Variants in NECAB1 observed in about 807,000 individuals in gnomAD.
NECAB1 encodes N-terminal EF-hand calcium binding protein 1, also known as N-terminal EF-hand calcium-binding protein 1.
Under a neutral mutation model 57.5 loss-of-function variants are expected in NECAB1, and 29 were observed. That is an observed-to-expected ratio of 0.50 (90% CI 0.38 to 0.69). NECAB1 has a LOEUF of 0.69. NECAB1 is among the 30% of genes least tolerant of loss of function. The pLI is 0.00. For synonymous variants in NECAB1, 142 were observed against 147.7 expected, an observed-to-expected ratio of 0.96 and a Z score of 0.28; for missense variants, 372 against 413.8, an observed-to-expected ratio of 0.90 and a Z score of 0.88.
At position 90,917,349 on chromosome 8, in the gene NECAB1, G is replaced by A. The variant is rs925398904; in HGVS notation, c.358-143G>A. The A allele has an allele frequency of 3.0e-5, 18 of 598,534 alleles. No homozygotes were observed. In the Admixed American group the frequency reaches 5.3e-4, roughly 18 times the overall value. 37.1% of individuals were successfully genotyped at this position (598,534 alleles called of 1,614,324 possible). ...TGAGAGTGATGCTGTAGCCTCCAGG[G>A]CTCGACAGATCTTTTCCCTTCTCTC... On this transcript the variant is annotated intron_variant, in intron 5 of 12. Transcript: ENST00000417640.
chr8:90,875,413 G>A (rs369002708), intron 4 of NECAB1, among the ~76,000 whole-genome samples: 2 of 147,928 alleles, frequency 1.4e-5, no homozygotes, highest in South Asian at 2.1e-4. Flanking sequence ...CCCGGGAAGC[G>A]GAGCTTGCAG....
intron 3 of NECAB1, among the ~76,000 whole-genome samples, chr8:90,837,020 T>C (rs376282017): frequency 2.0e-5 from 3 of 152,256 alleles, no homozygotes; most frequent in African/African-American, 7.2e-5. Flanking sequence ...ATCTTTGCAA[T>C]AGTTAATTGT....
intron 3 of NECAB1, among the ~76,000 whole-genome samples, chr8:90,866,814 A>G (rs769868718): frequency 6.6e-6 from 1 of 152,214 alleles, no homozygotes; most frequent in African/African-American, 2.4e-5. Context: ...GGGAATGTAA[A>G]TTAGTTCAAC....
At position 90,956,942 on chromosome 8, in the gene NECAB1, A is replaced by ATATATTGTGTGTG. The variant is rs1563549674; in HGVS notation, c.*1430_*1431insTATATTGTGTGTG. 2 of 119,694 alleles carry ATATATTGTGTGTG rather than the reference A, an allele frequency of 1.7e-5. No homozygotes were observed. The highest frequency in any genetic ancestry group is 7.7e-5 in the African/African-American group (2 of 26,122). 7.4% of individuals were successfully genotyped at this position (119,694 alleles called of 1,614,324 possible). The stretch of plus-strand genomic sequence containing the variant: ...AAATTTTGATATATTGTACATACAC[A>ATATATTGTGTGTG]CGTGTGTGTGTGTGTGTGTGTGTGT... On this transcript the variant is annotated 3_prime_UTR_variant, in exon 13 of 13. Transcript: ENST00000417640.
At chr8:90,823,529 G>A (rs1355240923) in intron 2 of NECAB1, among the ~76,000 whole-genome samples, 3 of 151,464 alleles carry the variant, frequency 2.0e-5, no homozygotes, top group Non-Finnish European at 4.4e-5. Context: ...ATTCTAATTC[G>A]CTTGTGGGGC....
chr8:90,826,778 T>C (rs2129712081), intron 3 of NECAB1, among the ~76,000 whole-genome samples: 1 of 151,896 alleles, frequency 6.6e-6, no homozygotes, highest in African/African-American at 2.4e-5. Context: ...TTAGCCTGTT[T>C]TGCTATTTTA....
At chr8:90,923,662 T>G (rs1810186475) in intron 6 of NECAB1, among the ~76,000 whole-genome samples, 1 of 152,178 alleles carries the variant, frequency 6.6e-6, no homozygotes, top group Non-Finnish European at 1.5e-5. Context: ...ACAAAAAATT[T>G]CAAAAGAAAG....
At chr8:90,805,986 C>A (rs909248922) in intron 2 of NECAB1, among the ~76,000 whole-genome samples, 1 of 152,130 alleles carries the variant, frequency 6.6e-6, no homozygotes, top group Admixed American at 6.6e-5. Context: ...TCTGCTTCTA[C>A]GAGTTCAACT....
chr8:90,957,450 G>A lies in NECAB1; in HGVS notation c.*1938G>A, dbSNP rs1274819944. Reference sequence around the variant, plus strand: ...ATCTGCAGATTCCAAACTGGAATAAGCTCTATCATATTCTGAAACAAGAAT... The same window carrying A: ...ATCTGCAGATTCCAAACTGGAATAAACTCTATCATATTCTGAAACAAGAAT... On this transcript the variant is annotated 3_prime_UTR_variant, in exon 13 of 13. Transcript: ENST00000417640. 1 of 151,760 alleles carries A rather than the reference G, an allele frequency of 6.6e-6. No homozygotes were observed. Among genetic ancestry groups the A allele is most frequent in the Non-Finnish European group, 1.5e-5 (1 of 67,804 alleles). The allele number at this position is 151,760 out of a possible 1,614,324, so 9.4% of individuals were successfully genotyped here. A position where few individuals can be genotyped will look rare whatever the true frequency, so the allele number is the denominator to read the frequency against.
intron 4 of NECAB1, among the ~76,000 whole-genome samples, chr8:90,880,814 G>T (rs960547473): frequency 1.3e-5 from 2 of 152,046 alleles, no homozygotes; most frequent in African/African-American, 2.4e-5. Flanking sequence ...TTTCTTCAAG[G>T]ATAATGGTAA....
chr8:90,938,996 T>C (rs1429236199), intron 9 of NECAB1, among the ~76,000 whole-genome samples: 1 of 152,196 alleles, frequency 6.6e-6, no homozygotes, highest in African/African-American at 2.4e-5. Flanking sequence ...TCAAGTGTGC[T>C]CTATGTGGTT....
At chr8:90,882,291 A>G (rs2129881346) in intron 5 of NECAB1, among the ~76,000 whole-genome samples, 1 of 152,178 alleles carries the variant, frequency 6.6e-6, no homozygotes, top group East Asian at 1.9e-4. Flanking sequence ...AACAATAAAG[A>G]CTCAACTGAA....
At chr8:90,923,443 C>CT (rs1204409113) in intron 6 of NECAB1, among the ~76,000 whole-genome samples, 1 of 152,180 alleles carries the variant, frequency 6.6e-6, no homozygotes, top group Non-Finnish European at 1.5e-5. Flanking sequence ...AGAGAAAAGA[C>CT]TTAACAATGC....
At chr8:90,856,426 G>A (rs1008415632) in intron 3 of NECAB1, among the ~76,000 whole-genome samples, 4 of 152,100 alleles carry the variant, frequency 2.6e-5, no homozygotes, top group Admixed American at 6.6e-5. Context: ...AGCTAGAAAG[G>A]ATTTCAAAGG....
At chr8:90,917,840 C>CTATATATACA (rs1809994305) in intron 6 of NECAB1, among the ~76,000 whole-genome samples, 2 of 47,330 alleles carry the variant, frequency 4.2e-5, no homozygotes, top group South Asian at 1.4e-3. Context: ...ATTTAGTAAA[C>CTATATATACA]TATATATATA....
chr8:90,887,174 C>T (rs1733959995), intron 5 of NECAB1, among the ~76,000 whole-genome samples: 1 of 152,166 alleles, frequency 6.6e-6, no homozygotes, highest in South Asian at 2.1e-4. Flanking sequence ...CTGTAAGAAA[C>T]AACCCACCTA....
At chr8:90,831,520 G>A (rs992876827) in intron 3 of NECAB1, among the ~76,000 whole-genome samples, 1 of 152,090 alleles carries the variant, frequency 6.6e-6, no homozygotes, top group Non-Finnish European at 1.5e-5. Context: ...GATCAATCAG[G>A]AAAATCTGCA....
intron 3 of NECAB1, among the ~76,000 whole-genome samples, chr8:90,859,857 AAAAT>A (rs1183183656): frequency 6.6e-6 from 1 of 152,124 alleles, no homozygotes; most frequent in Non-Finnish European, 1.5e-5. Flanking sequence ...CAGTAATCCT[AAAAT>A]AAAGATAGTA....
At chr8:90,833,940 A>C (rs976846763) in intron 3 of NECAB1, among the ~76,000 whole-genome samples, 2 of 152,116 alleles carry the variant, frequency 1.3e-5, no homozygotes, top group African/African-American at 4.8e-5. Flanking sequence ...AGGCAGGTGG[A>C]TCACTTGAGA....
Sources: gnomAD v4.1 joint callset for allele counts (sites outside exome capture counted in the v4.1 genomes callset) on GRCh38, gnomAD v4.1.1 for gene constraint, MANE v1.5 for transcripts, NCBI Gene and HGNC (gene_info 2026-07-23, HGNC 2026-07-21) for gene names.